TTPA: variants seen among roughly 807,000 people sequenced by gnomAD.
The protein encoded by TTPA is alpha-tocopherol transfer protein.
A neutral mutation model predicts 25.9 loss-of-function variants in TTPA; 23 were observed. The observed-to-expected ratio is 0.89, with a 90% CI of 0.64 to 1.26. TTPA has a LOEUF of 1.26. TTPA is among the 50% of genes most tolerant of loss of function. The pLI is 0.00. For missense variants in TTPA, 337 were observed against 353.1 expected, an observed-to-expected ratio of 0.95 and a Z score of 0.37; for synonymous variants, 148 against 137.3, an observed-to-expected ratio of 1.08 and a Z score of -0.54.
intron 1 of TTPA, among the ~76,000 whole-genome samples, chr8:63,082,320 G>T (rs988589028): frequency 6.6e-6 from 1 of 152,012 alleles, no homozygotes; most frequent in Non-Finnish European, 1.5e-5. Context: ...CAGAACAGAG[G>T]CCTCAGAAAT....
chr8:63,077,480 T>C (rs1805582137), intron 1 of TTPA, among the ~76,000 whole-genome samples: 1 of 152,256 alleles, frequency 6.6e-6, no homozygotes, highest in South Asian at 2.1e-4. Context: ...TCCCAAGGTC[T>C]TAGCAACTGG....
chr8:63,083,327 G>A (rs1183442740), intron 1 of TTPA, among the ~76,000 whole-genome samples: 1 of 152,188 alleles, frequency 6.6e-6, no homozygotes, highest in African/African-American at 2.4e-5. Context: ...ATGAGTTCAT[G>A]TCCTTTGCAG....
At chr8:63,059,462 G>C (rs543160605), downstream of TTPA, among the ~76,000 whole-genome samples, 1 of 152,180 alleles carries the variant, frequency 6.6e-6, no homozygotes, top group South Asian at 2.1e-4. Context: ...ATAATCCTAA[G>C]TATCAGCTCA....
At chr8:63,066,256 A>T (rs1368876974) in intron 2 of TTPA, among the ~76,000 whole-genome samples, 159 bp from the exon 3 acceptor site, 1 of 152,226 alleles carries the variant, frequency 6.6e-6, no homozygotes, top group Non-Finnish European at 1.5e-5. Context: ...GTCCAAGAAC[A>T]TGTGCCTGCT....
chr8:63,070,816 T>G (rs1356259542), intron 2 of TTPA, among the ~76,000 whole-genome samples: 1 of 152,164 alleles, frequency 6.6e-6, no homozygotes, highest in Non-Finnish European at 1.5e-5. Flanking sequence ...GCCAAGACAT[T>G]TACAAAAATA....
chr8:63,063,346 G>A (rs116747707), intron 4 of TTPA, among the ~76,000 whole-genome samples: 1,637 of 152,156 alleles, frequency 0.011, 30 homozygotes, highest in African/African-American at 0.036. Flanking sequence ...TGCTTTTTCT[G>A]AGATAAGGCT....
intron 1 of TTPA, among the ~76,000 whole-genome samples, chr8:63,074,218 T>C (rs1315943302): frequency 6.6e-6 from 1 of 151,866 alleles, no homozygotes; most frequent in Non-Finnish European, 1.5e-5. Flanking sequence ...CGACAAAAAC[T>C]AGAGAGGGAA....
At chr8:63,085,457 T>C (rs1376018933) in intron 1 of TTPA, among the ~76,000 whole-genome samples, 1 of 152,226 alleles carries the variant, frequency 6.6e-6, no homozygotes, top group Non-Finnish European at 1.5e-5. Flanking sequence ...AAGCTGTTAC[T>C]TTGTTTGTAC....
At chr8:63,058,540 T>G (rs1490233554), downstream of TTPA, among the ~76,000 whole-genome samples, 1 of 152,214 alleles carries the variant, frequency 6.6e-6, no homozygotes, top group Non-Finnish European at 1.5e-5. Context: ...ACTAAAGTAA[T>G]ATAGACAATT....
At chr8:63,077,099 T>C (rs1192718139) in intron 1 of TTPA, among the ~76,000 whole-genome samples, 1 of 151,888 alleles carries the variant, frequency 6.6e-6, no homozygotes, top group Non-Finnish European at 1.5e-5. Context: ...ATGTAACAGA[T>C]AAAAATCAAG....
At chr8:63,072,379 C>T (rs1432879017) in intron 2 of TTPA, among the ~76,000 whole-genome samples, 3 of 152,170 alleles carry the variant, frequency 2.0e-5, no homozygotes, top group Admixed American at 6.5e-5. Flanking sequence ...CCTCCTGCCT[C>T]GGCCTCCCGA....
intron 2 of TTPA, among the ~76,000 whole-genome samples, chr8:63,070,264 A>C (rs557796851): frequency 7.7e-4 from 118 of 152,300 alleles, no homozygotes; most frequent in African/African-American, 2.7e-3. Flanking sequence ...ATTATATCCT[A>C]CAGCATGTTG....
At chr8:63,062,390 A>G (rs777494244) in intron 4 of TTPA, among the ~76,000 whole-genome samples, 8 of 152,328 alleles carry the variant, frequency 5.3e-5, no homozygotes, top group African/African-American at 1.7e-4. Context: ...TTTCTAGGGC[A>G]AAATGTTCCT....
chr8:63,070,446 CCATTAATTCAA>C (rs1364869263), intron 2 of TTPA, among the ~76,000 whole-genome samples: 1 of 152,094 alleles, frequency 6.6e-6, no homozygotes, highest in Non-Finnish European at 1.5e-5. Flanking sequence ...TTAGCTCCTC[CCATTAATTCAA>C]TCAAATTTAG....
At chr8:63,074,140 G>T (rs1290683141) in intron 1 of TTPA, among the ~76,000 whole-genome samples, 5 of 152,182 alleles carry the variant, frequency 3.3e-5, no homozygotes, top group Admixed American at 2.6e-4. Flanking sequence ...TTATATTTGA[G>T]AGTAATTGGA....
At chr8:63,064,713 C>A (rs1254148628) in intron 3 of TTPA, among the ~76,000 whole-genome samples, 7 of 152,042 alleles carry the variant, frequency 4.6e-5, no homozygotes. Flanking sequence ...GCACAATAAA[C>A]ACACACTTTT....
Position 63,060,400 on chromosome 8 carries a change from T to C in TTPA, c.*852A>G, listed in dbSNP as rs1805285116. 1.3e-5 allele frequency: 2 copies of C among 152,126 alleles called. No homozygotes were observed. Among genetic ancestry groups the C allele is most frequent in the South Asian group, 4.1e-4 (2 of 4,830 alleles). The allele number at this position is 152,126 out of a possible 1,614,324, so 9.4% of individuals were successfully genotyped here. ...CCTAAAGATGCCACATAGAGTAGTATGGCATATAGACTCCTCAGCTGAAAG... is the reference window on the plus strand; with the variant it reads ...CCTAAAGATGCCACATAGAGTAGTACGGCATATAGACTCCTCAGCTGAAAG... On this transcript the variant is annotated 3_prime_UTR_variant, in exon 5 of 5. Coordinates refer to ENST00000260116, the MANE Select transcript of TTPA (RefSeq NM_000370.3).
In TTPA at chr8:63,073,065, C is replaced by T. The variant is rs1475697125; in HGVS notation, c.228G>A (p.Trp76Ter). The change falls in exon 2 of 5, where the codon TGG becomes TGA. Residue 76 changes from tryptophan (W) to a stop codon, truncating the protein, a stop_gained. Transcript: ENST00000260116. LOFTEE classifies it high-confidence loss of function. ...CACTTATTTCTGGACATTCTGCTCT[C>T]CACTTATAATAGTTTTTTAGTAACT... ...AWRLLKNYYKWRAECPEISAD... is the reference protein window; with the variant it reads ...AWRLLKNYYK The T allele has an allele frequency of 6.2e-7, 1 of 1,611,050 alleles. No homozygotes were observed. Among genetic ancestry groups the T allele is most frequent in the South Asian group, 1.1e-5 (1 of 90,952 alleles).
At chr8:63,085,787 A>G in intron 1 of TTPA, 31 bp downstream of exon 1, 1 of 1,530,144 alleles carries the variant, frequency 6.5e-7, no homozygotes, top group Non-Finnish European at 8.7e-7. Flanking sequence ...TGAGGTGCGC[A>G]CTGCCGAGCG....
Sources: gnomAD v4.1 joint callset for allele counts (sites outside exome capture counted in the v4.1 genomes callset) on GRCh38, gnomAD v4.1.1 for gene constraint, MANE v1.5 for transcripts, NCBI Gene and HGNC (gene_info 2026-07-23, HGNC 2026-07-21) for gene names.